The following APBB2 variants were observed in gnomAD, a reference collection of about 807,000 sequenced individuals.
APBB2 encodes Fe65-like 1.
A neutral mutation model predicts 82.5 loss-of-function variants in APBB2; 38 were observed. The ratio of observed to expected loss-of-function variants is 0.46; its 90% CI spans 0.36 to 0.60. The LOEUF (loss-of-function observed/expected upper bound fraction) is 0.60, where lower values mean the gene tolerates loss of function less well. Among genes scored for constraint, APBB2 ranks in the 20% least tolerant of loss-of-function variants. APBB2 has a pLI of 0.00. For missense variants in APBB2, 772 were observed against 972.3 expected (o/e 0.79, Z 2.74); for synonymous variants, 341 against 368.2 (o/e 0.93, Z 0.85).
chr4:41,138,065 G>C (rs113606794), intron 2 of APBB2: 20,636 of 152,110 alleles, frequency 0.14, 1,558 homozygotes, highest in Non-Finnish European at 0.17. Flanking sequence ...TACTCGAGAG[G>C]CTGAGGCAGG....
intron 2 of APBB2, chr4:41,114,117 T>G (rs1750147092): frequency 6.6e-6 from 1 of 152,270 alleles, no homozygotes; most frequent in South Asian, 2.1e-4. Flanking sequence ...TCAAAAAGCT[T>G]ATCCACCACG....
At chr4:40,831,173 G>A (rs1171683056) in intron 12 of APBB2, among the ~76,000 whole-genome samples, 4 of 152,098 alleles carry the variant, frequency 2.6e-5, no homozygotes, top group South Asian at 2.1e-4. Context: ...CGAGGTGGGC[G>A]GATCACCTGA....
At chr4:41,117,583 G>T (rs532416535) in intron 2 of APBB2, among the ~76,000 whole-genome samples, 53 of 152,228 alleles carry the variant, frequency 3.5e-4, no homozygotes, top group Middle Eastern at 3.4e-3. Context: ...GAGGCACCAC[G>T]CCTGGCCTAG....
At chr4:40,876,009 C>A (rs1238325703) in intron 12 of APBB2, among the ~76,000 whole-genome samples, 3 of 152,180 alleles carry the variant, frequency 2.0e-5, no homozygotes, top group Admixed American at 2.0e-4. Context: ...TGTGATTCTT[C>A]CTGGCTTGAG....
intron 10 of APBB2, among the ~76,000 whole-genome samples, chr4:40,899,002 G>A (rs1009393155): frequency 6.6e-6 from 1 of 152,082 alleles, no homozygotes; most frequent in African/African-American, 2.4e-5. Context: ...CACACCTTGA[G>A]AACCACTGCT....
intron 3 of APBB2, among the ~76,000 whole-genome samples, chr4:41,082,042 C>T (rs1031350340): frequency 7.9e-5 from 12 of 151,538 alleles, no homozygotes; most frequent in African/African-American, 2.7e-4. Context: ...AGGAACATGA[C>T]ACAGTATGTT....
At chr4:40,881,300 A>C (rs973633888) in intron 12 of APBB2, 3 of 985,174 alleles carry the variant, frequency 3.0e-6, no homozygotes, top group African/African-American at 3.5e-5. Context: ...TTAAACTTTC[A>C]TCAGCAGATC....
intron 1 of APBB2, among the ~76,000 whole-genome samples, chr4:41,161,267 C>T (rs570316448): frequency 1.3e-5 from 2 of 151,226 alleles, no homozygotes; most frequent in Admixed American, 1.3e-4. Context: ...AGACACTGCT[C>T]GTTTATTCTG....
intron 6 of APBB2, among the ~76,000 whole-genome samples, chr4:41,003,226 T>A (rs1805718953): frequency 6.6e-6 from 1 of 152,242 alleles, no homozygotes; most frequent in African/African-American, 2.4e-5. Context: ...ATCTTTACAA[T>A]GAAGACTTTG....
chr4:41,065,416 C>T (rs1303178777), intron 4 of APBB2, among the ~76,000 whole-genome samples, 160 bp downstream of exon 4: 1 of 152,172 alleles, frequency 6.6e-6, no homozygotes, highest in Non-Finnish European at 1.5e-5. Context: ...CATTTCTTAC[C>T]ATGCAATATT....
At chr4:41,084,251 CCT>C (rs1039600031) in intron 3 of APBB2, among the ~76,000 whole-genome samples, 1 of 152,024 alleles carries the variant, frequency 6.6e-6, no homozygotes, top group African/African-American at 2.4e-5. Flanking sequence ...ATGAAGAAAC[CCT>C]GTTTCTACTG....
chr4:40,839,695 C>A (rs941830214), intron 12 of APBB2, among the ~76,000 whole-genome samples: 2 of 150,866 alleles, frequency 1.3e-5, no homozygotes, highest in Non-Finnish European at 2.9e-5. Context: ...GGTGGAGTCT[C>A]GCTCTGTTGC....
Position 40,920,894 on chromosome 4 carries a change from G to T in APBB2, c.1254+13562C>A, listed in dbSNP as rs141444970. On this transcript the variant is annotated intron_variant, in intron 10 of 17. Transcript: ENST00000508593. ...CTCATAAACACAAAACAAAAAACAA[G>T]GCCAGGGACGGGCTGACCTACACTG... Among the ~76,000 whole-genome samples, 26 of 151,986 alleles carry T rather than the reference G, an allele frequency of 1.7e-4. No individual in the cohort carries two copies. The South Asian group carries it at 5.4e-3, about 32-fold the overall frequency.
At chr4:40,978,124 C>A (rs1156957942) in intron 6 of APBB2, among the ~76,000 whole-genome samples, 1 of 152,172 alleles carries the variant, frequency 6.6e-6, no homozygotes, top group East Asian at 1.9e-4. Context: ...GGGTATTTAG[C>A]CCACAGCATA....
At position 41,125,483 on chromosome 4, in the gene APBB2, T is replaced by C. The variant is rs551040003; in HGVS notation, c.-261+17504A>G. 3.3e-5 allele frequency among the ~76,000 whole-genome samples: 5 copies of C among 152,276 alleles called. No homozygotes were observed. The South Asian group carries it at 8.3e-4, about 25-fold the overall frequency. On this transcript the variant is annotated intron_variant, in intron 2 of 17. Transcript: ENST00000508593. ...CCAATCAAGAAGGAATTCAAGAAGA[T>C]AGTTCTCAACATTTATGCCTCTCAT...
At chr4:41,164,817 CT>C (rs1766074774) in intron 1 of APBB2, among the ~76,000 whole-genome samples, 1 of 152,138 alleles carries the variant, frequency 6.6e-6, no homozygotes, top group East Asian at 1.9e-4. Context: ...GAGGTTGATT[CT>C]TTTAATTTAG....
intron 3 of APBB2, among the ~76,000 whole-genome samples, chr4:41,069,962 G>A (rs1733239275): frequency 6.6e-6 from 1 of 152,138 alleles, no homozygotes; most frequent in Non-Finnish European, 1.5e-5. Context: ...AAATAGATGG[G>A]TATGAACATT....
intron 6 of APBB2, among the ~76,000 whole-genome samples, chr4:40,964,697 T>C (rs1794163529): frequency 2.1e-5 from 3 of 142,482 alleles, no homozygotes; most frequent in South Asian, 4.6e-4. Context: ...CATGTACACA[T>C]AGCCTATGGA....
intron 5 of APBB2, among the ~76,000 whole-genome samples, chr4:41,028,664 C>G (rs1715477507): frequency 6.6e-6 from 1 of 152,214 alleles, no homozygotes; most frequent in Non-Finnish European, 1.5e-5. Flanking sequence ...GCCTAAGCCA[C>G]TTGGAGCTAG....
Sources: gnomAD v4.1 joint callset for allele counts (sites outside exome capture counted in the v4.1 genomes callset) on GRCh38, gnomAD v4.1.1 for gene constraint, MANE v1.5 for transcripts, NCBI Gene and HGNC (gene_info 2026-07-23, HGNC 2026-07-21) for gene names.